The following FBXL17 variants were observed in gnomAD, a reference collection of about 807,000 sequenced individuals.
FBXL17 encodes the protein F-box and leucine rich repeat protein 17, also known as F-box/LRR-repeat protein 17.
Under a neutral mutation model 66.2 loss-of-function variants are expected in FBXL17, and 22 were observed. The ratio of observed to expected loss-of-function variants is 0.33; its 90% CI spans 0.24 to 0.47. The LOEUF is 0.47. Ranked by LOEUF, FBXL17 falls within the 20% of genes least tolerant of loss-of-function variation. The probability of loss-of-function intolerance (pLI) is 1.00; values close to 1 mark genes in which losing one functional copy is unlikely to be tolerated. For missense variants in FBXL17, 878 were observed against 948.2 expected (o/e 0.93, Z 0.97); for synonymous variants, 474 against 400.5 (o/e 1.18, Z -2.19).
intron 5 of FBXL17, among the ~76,000 whole-genome samples, chr5:108,187,290 A>C (rs531569831): frequency 5.3e-5 from 8 of 152,326 alleles, no homozygotes; most frequent in African/African-American, 1.9e-4. Context: ...AATAATATGC[A>C]AAACTTAATC....
intron 6 of FBXL17, among the ~76,000 whole-genome samples, chr5:108,057,513 T>C (rs1747755085): frequency 6.6e-6 from 1 of 152,208 alleles, no homozygotes; most frequent in South Asian, 2.1e-4. Context: ...CCAAGCTCTA[T>C]AAATTTTCTT....
At chr5:108,274,228 G>A (rs544854936) in intron 4 of FBXL17, among the ~76,000 whole-genome samples, 10 of 152,206 alleles carry the variant, frequency 6.6e-5, no homozygotes, top group South Asian at 2.1e-4. Flanking sequence ...GGCGTGCTAC[G>A]GGAGACTGGA....
At chr5:108,356,284 T>C (rs903377364) in intron 3 of FBXL17, among the ~76,000 whole-genome samples, 19 of 152,134 alleles carry the variant, frequency 1.2e-4, no homozygotes, top group African/African-American at 4.3e-4. Flanking sequence ...TTCATTATTA[T>C]AGCTGAAGAC....
chr5:107,923,833 C>A (rs928857959), intron 7 of FBXL17, among the ~76,000 whole-genome samples: 1 of 152,072 alleles, frequency 6.6e-6, no homozygotes, highest in Non-Finnish European at 1.5e-5. Context: ...TGGCATATTA[C>A]GAACAAGCCA....
rs1158381670 is a variant in FBXL17 at position 107,875,102 on chromosome 5, T to C, written c.1965+5935A>G. 2.1e-5 allele frequency among the ~76,000 whole-genome samples: 3 copies of C among 144,642 alleles called. No individual in the cohort carries two copies. In the South Asian group the frequency reaches 6.4e-4, roughly 31 times the overall value. The allele number at this position is 144,642 out of a possible 152,430, so 94.9% of individuals were successfully genotyped here. A position where few individuals can be genotyped will look rare whatever the true frequency, so the allele number is the denominator to read the frequency against. ...GTTTTCTTTTCTTTCTTTCTCTCTC[T>C]CTCTCTTTTTTTTTTTTTACTTTAT... On this transcript the variant is annotated intron_variant, in intron 8 of 8. Transcript: ENST00000542267.
chr5:108,306,267 T>G (rs186500735), intron 4 of FBXL17, among the ~76,000 whole-genome samples: 1 of 152,066 alleles, frequency 6.6e-6, no homozygotes, highest in Non-Finnish European at 1.5e-5. Context: ...TAATCAATGA[T>G]GCTGTGAATG....
At chr5:108,337,844 T>C (rs1760460271) in intron 4 of FBXL17, among the ~76,000 whole-genome samples, 1 of 152,000 alleles carries the variant, frequency 6.6e-6, no homozygotes, top group Non-Finnish European at 1.5e-5. Flanking sequence ...CCAACAAAAG[T>C]CAACCTTTAG....
At chr5:108,194,248 T>C (rs901059663) in intron 5 of FBXL17, among the ~76,000 whole-genome samples, 1 of 152,180 alleles carries the variant, frequency 6.6e-6, no homozygotes, top group Non-Finnish European at 1.5e-5. Context: ...ATTTTAAAAC[T>C]GCTCTCACTT....
At chr5:108,113,576 G>C (rs1161269493) in intron 6 of FBXL17, among the ~76,000 whole-genome samples, 1 of 152,036 alleles carries the variant, frequency 6.6e-6, no homozygotes, top group African/African-American at 2.4e-5. Context: ...GTAATTCTGA[G>C]ATGTTCTCCG....
chr5:108,336,452 CAAAAG>C (rs1294905043), intron 4 of FBXL17, among the ~76,000 whole-genome samples: 2 of 151,950 alleles, frequency 1.3e-5, no homozygotes, highest in Admixed American at 1.3e-4. Flanking sequence ...TAAAGTATGA[CAAAAG>C]AAAAGAGACT....
intron 3 of FBXL17, among the ~76,000 whole-genome samples, chr5:108,362,738 C>T (rs972276295): frequency 4.6e-5 from 7 of 151,898 alleles, no homozygotes; most frequent in Admixed American, 3.9e-4. Flanking sequence ...AATTGAAATG[C>T]TATAAGCAAC....
Position 108,371,435 on chromosome 5 carries a change from C to T in FBXL17, c.994-3482G>A, listed in dbSNP as rs144360811. Among the ~76,000 whole-genome samples, 141 of 152,274 alleles carry T rather than the reference C, an allele frequency of 9.3e-4. 2 individuals carry two copies. The South Asian group carries it at 0.015, about 16-fold the overall frequency. On this transcript the variant is annotated intron_variant, in intron 1 of 8. Transcript: ENST00000542267. ...AATAAAGTTTTATTGGCACACAAAA[C>T]ATAAATGAATGTATACAACTATGTG...
intron 6 of FBXL17, among the ~76,000 whole-genome samples, chr5:108,154,713 G>GTA (rs200552751): frequency 0.013 from 1,821 of 142,254 alleles, 45 homozygotes; most frequent in African/African-American, 0.044. Context: ...ATATATATGT[G>GTA]TATATATATG....
chr5:108,337,455 C>T (rs541801703), intron 4 of FBXL17, among the ~76,000 whole-genome samples: 3 of 152,068 alleles, frequency 2.0e-5, no homozygotes, highest in South Asian at 4.2e-4. Context: ...TGTATGCAAA[C>T]GATCTCATTC....
intron 7 of FBXL17, among the ~76,000 whole-genome samples, chr5:107,918,236 G>A (rs977536567): frequency 1.3e-5 from 2 of 152,190 alleles, no homozygotes; most frequent in Admixed American, 6.5e-5. Flanking sequence ...TGTGGGGCTG[G>A]GGCGGCCCTT....
At chr5:107,994,368 A>G (rs1383720642) in intron 7 of FBXL17, among the ~76,000 whole-genome samples, 1 of 152,058 alleles carries the variant, frequency 6.6e-6, no homozygotes, top group Non-Finnish European at 1.5e-5. Flanking sequence ...AATTTGTGGT[A>G]GGGCAAAATC....
At chr5:108,219,414 G>T (rs143041981) in intron 5 of FBXL17, among the ~76,000 whole-genome samples, 2 of 152,280 alleles carry the variant, frequency 1.3e-5, no homozygotes, top group African/African-American at 2.4e-5. Context: ...GGCTGGATGT[G>T]GTTGCTCACG....
intron 7 of FBXL17, among the ~76,000 whole-genome samples, chr5:108,015,470 C>T (rs1365315506): frequency 6.6e-6 from 1 of 151,820 alleles, no homozygotes; most frequent in Admixed American, 6.6e-5. Context: ...GTTTAAAATA[C>T]TATTTAAAAA....
chr5:108,276,906 C>A (rs990738327), intron 4 of FBXL17, among the ~76,000 whole-genome samples: 37 of 151,946 alleles, frequency 2.4e-4, no homozygotes, highest in African/African-American at 6.8e-4. Flanking sequence ...CCAATGCATA[C>A]CCTGGCTAAT....
Sources: allele counts gnomAD v4.1 joint callset (sites outside exome capture counted in the v4.1 genomes callset), GRCh38; gene constraint gnomAD v4.1.1; transcripts MANE v1.5; gene names NCBI Gene and HGNC (gene_info 2026-07-23, HGNC 2026-07-21).